The following AMPD3 variants were observed in gnomAD, a reference collection of about 807,000 sequenced individuals.
AMPD3 encodes the protein AMP deaminase 3.
AMPD3 carries 57 observed loss-of-function variants against 82.3 expected under a neutral mutation model. The observed-to-expected ratio is 0.69, with a 90% CI of 0.56 to 0.86. The LOEUF (loss-of-function observed/expected upper bound fraction) is 0.86, where lower values mean the gene tolerates loss of function less well. Among genes scored for constraint, AMPD3 ranks in the 40% least tolerant of loss-of-function variants. AMPD3 has a pLI of 0.00. For synonymous variants in AMPD3, 381 were observed against 394.7 expected, an observed-to-expected ratio of 0.97 and a Z score of 0.41; for missense variants, 870 against 1,003.8, an observed-to-expected ratio of 0.87 and a Z score of 1.80.
At chr11:10,474,101 G>A (rs1443061450) in intron 2 of AMPD3, among the ~76,000 whole-genome samples, 1 of 152,060 alleles carries the variant, frequency 6.6e-6, no homozygotes, top group Non-Finnish European at 1.5e-5. Context: ...AATATCCAGG[G>A]CATCTCATTA....
chr11:10,487,327 A>T lies in AMPD3; in HGVS notation c.902A>T (p.Lys301Met). 6.2e-7 allele frequency: 1 copy of T among 1,614,184 alleles called. No individual in the cohort carries two copies. The highest frequency in any genetic ancestry group is 8.5e-7 in the Non-Finnish European group (1 of 1,180,028). Residue 301 changes from lysine to methionine, a missense_variant, in exon 6 of 15, where the codon AAG becomes ATG. Transcript: ENST00000396553. ...LNEMSEFKEL[K>M]SNPHRDFYNV... is the part of the protein sequence containing the mutation. ...GAAATGTCCGAGTTCAAAGAGTTGA[A>T]GAGTAACCCCCACCGGGACTTCTAT...
intron 5 of AMPD3, among the ~76,000 whole-genome samples, chr11:10,485,546 C>G (rs1336694832): frequency 6.6e-6 from 1 of 152,120 alleles, no homozygotes; most frequent in Non-Finnish European, 1.5e-5. Flanking sequence ...TGACCGGCCT[C>G]CCTGTCCCTT....
chr11:10,452,918 C>T (rs1847995688), upstream of AMPD3, among the ~76,000 whole-genome samples: 1 of 152,092 alleles, frequency 6.6e-6, no homozygotes, highest in Admixed American at 6.5e-5. Context: ...GAACAGGATT[C>T]AAATGCAGGG....
intron 2 of AMPD3, among the ~76,000 whole-genome samples, chr11:10,475,434 C>T (rs1019829736): frequency 1.3e-5 from 2 of 152,154 alleles, no homozygotes; most frequent in African/African-American, 4.8e-5. Flanking sequence ...CTGACACTTA[C>T]GCCCACACGC....
chr11:10,484,190 A>G (rs1848996995), intron 4 of AMPD3: 6 of 961,750 alleles, frequency 6.2e-6, no homozygotes, highest in South Asian at 4.8e-5. Context: ...CAGCAGGGAA[A>G]TTGCATAGAG....
chr11:10,500,861 C>T, intron 11 of AMPD3: 1 of 985,462 alleles, frequency 1.0e-6, no homozygotes, highest in Non-Finnish European at 1.2e-6. Context: ...TGAGCCATTC[C>T]CTTCCCTACA....
At chr11:10,497,381 C>T (rs1217610072) in intron 10 of AMPD3, among the ~76,000 whole-genome samples, 2 of 152,184 alleles carry the variant, frequency 1.3e-5, no homozygotes, top group African/African-American at 2.4e-5. Context: ...GTACAAGCCC[C>T]TAAAGTGTAT....
At chr11:10,452,241 T>C (rs1408884574), upstream of AMPD3, among the ~76,000 whole-genome samples, 1 of 152,092 alleles carries the variant, frequency 6.6e-6, no homozygotes, top group Non-Finnish European at 1.5e-5. Context: ...AAAATCTGTC[T>C]CAGGTCTTGA....
At chr11:10,493,918 A>T (rs983610522) in intron 7 of AMPD3, among the ~76,000 whole-genome samples, 4 of 152,282 alleles carry the variant, frequency 2.6e-5, no homozygotes, top group Admixed American at 1.3e-4. Context: ...TATGGAAAAC[A>T]GTATGGTAGT....
intron 14 of AMPD3, chr11:10,505,294 G>C: frequency 1.0e-6 from 1 of 985,420 alleles, no homozygotes; most frequent in Non-Finnish European, 1.2e-6. Context: ...ATGCAGCAGA[G>C]TTAAAGGCTT....
chr11:10,503,466 G>A (rs11042861), intron 13 of AMPD3, among the ~76,000 whole-genome samples: 1 of 152,168 alleles, frequency 6.6e-6, no homozygotes, highest in Admixed American at 6.5e-5. Flanking sequence ...AACAAAAACA[G>A]AAGCACCAGA....
intron 11 of AMPD3, chr11:10,500,513 T>C: frequency 2.5e-6 from 2 of 789,046 alleles, no homozygotes; most frequent in Non-Finnish European, 3.1e-6. Context: ...CAGTATGCAA[T>C]GCAGCCACAG....
At chr11:10,488,269 C>T (rs1849137574) in intron 6 of AMPD3, 1 of 985,434 alleles carries the variant, frequency 1.0e-6, no homozygotes. Context: ...GGCACAGGGT[C>T]AGTGCTAGGC....
intron 6 of AMPD3, among the ~76,000 whole-genome samples, chr11:10,490,237 C>T (rs1018326041): frequency 7.9e-5 from 12 of 152,316 alleles, no homozygotes; most frequent in Admixed American, 2.0e-4. Context: ...GTGACTGAGA[C>T]ACTTGTTTTC....
chr11:10,502,017 G>T lies in AMPD3; in HGVS notation c.1842+427G>T, dbSNP rs1591487503. On this transcript the variant is annotated intron_variant, in intron 12 of 14. Coordinates refer to ENST00000396553, the MANE Select transcript of AMPD3 (RefSeq NM_001025389.2). ...TCCAAAGGCTGTTGTTGGATGAAGG[G>T]TCTGCCACTTTGTCTGTAATTGACT... 4.1e-6 allele frequency: 4 copies of T among 985,272 alleles called. No homozygotes were observed. The African/African-American group carries it at 7.0e-5, about 17-fold the overall frequency. 61.0% of individuals were successfully genotyped at this position (985,272 alleles called of 1,614,324 possible). A position where few individuals can be genotyped will look rare whatever the true frequency, so the allele number is the denominator to read the frequency against.
chr11:10,500,294 T>TACATGCACGCATGCACAC, intron 11 of AMPD3, 45 bp downstream of exon 11: 1 of 1,600,550 alleles, frequency 6.2e-7, no homozygotes, highest in Non-Finnish European at 8.6e-7. Context: ...CATGTGTTAG[T>TACATGCACGCATGCACAC]ACATGCACGC....
chr11:10,497,262 GC>G (rs956118540), intron 10 of AMPD3, among the ~76,000 whole-genome samples: 8 of 151,172 alleles, frequency 5.3e-5, no homozygotes, highest in Admixed American at 2.6e-4. Context: ...GCTGGATCTA[GC>G]CCCCGGCAGC....
rs187212520 is a variant in AMPD3, at chr11:10,481,348, C to T, written c.427-715C>T. 103 of 717,062 alleles carry T rather than the reference C, an allele frequency of 1.4e-4. No individual in the cohort carries two copies. The African/African-American group carries it at 1.7e-3, about 12-fold the overall frequency. 44.4% of individuals were successfully genotyped at this position (717,062 alleles called of 1,614,324 possible). A position where few individuals can be genotyped will look rare whatever the true frequency, so the allele number is the denominator to read the frequency against. On this transcript the variant is annotated intron_variant, in intron 3 of 14. Transcript: ENST00000396553. Reference sequence around the variant, plus strand: ...CATGAATTTTCTCAACTGAAAATGACGGTGCTCATCGCCTTCAGGGATAGG... The same window carrying T: ...CATGAATTTTCTCAACTGAAAATGATGGTGCTCATCGCCTTCAGGGATAGG...
chr11:10,475,606 G>A (rs988995725), intron 2 of AMPD3, among the ~76,000 whole-genome samples: 1 of 152,184 alleles, frequency 6.6e-6, no homozygotes, highest in African/African-American at 2.4e-5. Context: ...TATCACTCCT[G>A]TGATGATGTT....
Sources: gnomAD v4.1 joint callset for allele counts (sites outside exome capture counted in the v4.1 genomes callset) on GRCh38, gnomAD v4.1.1 for gene constraint, MANE v1.5 for transcripts, NCBI Gene and HGNC (gene_info 2026-07-23, HGNC 2026-07-21) for gene names.